Variants in GCH1 observed in about 807,000 individuals in gnomAD.
GCH1 encodes the protein GTP cyclohydrolase I.
Under a neutral mutation model 25.9 loss-of-function variants are expected in GCH1, and 5 were observed. The observed-to-expected ratio is 0.19, with a 90% CI of 0.10 to 0.41. The LOEUF (loss-of-function observed/expected upper bound fraction) is 0.41, where lower values mean the gene tolerates loss of function less well. Ranked by LOEUF, GCH1 falls within the 10% of genes least tolerant of loss-of-function variation. GCH1 has a pLI of 1.00. For missense variants in GCH1, 261 were observed against 336.5 expected (o/e 0.78, Z 1.75); for synonymous variants, 159 against 129.6 (o/e 1.23, Z -1.54).
intron 4 of GCH1, among the ~76,000 whole-genome samples, chr14:54,846,591 T>C (rs2039644551): frequency 6.6e-6 from 1 of 152,200 alleles, no homozygotes; most frequent in South Asian, 2.1e-4. Context: ...TCCAAATAAA[T>C]TGATTTGAAA....
intron 1 of GCH1, among the ~76,000 whole-genome samples, chr14:54,883,326 T>C (rs1341563841): frequency 7.2e-6 from 1 of 139,092 alleles, no homozygotes; most frequent in African/African-American, 2.8e-5. Flanking sequence ...GAGCAGAGAT[T>C]GCGCCGCTGC....
At position 54,870,133 on chromosome 14, in the gene GCH1, A is replaced by G. The variant is rs368638547; in HGVS notation, c.344-4697T>C. 6.6e-5 allele frequency among the ~76,000 whole-genome samples: 10 copies of G among 152,152 alleles called. No homozygotes were observed. In the East Asian group the frequency reaches 1.9e-3, roughly 29 times the overall value. On this transcript the variant is annotated intron_variant, in intron 1 of 5. Coordinates refer to ENST00000491895, the MANE Select transcript of GCH1 (RefSeq NM_000161.3). ...TATATAACTGCATACGTTTGTTAAA[A>G]TTCACATTGTACATGTAAAGTAGGT...
In GCH1 at chr14:54,858,574, C is replaced by T. The variant is rs149209708; in HGVS notation, c.509+1107G>A. On this transcript the variant is annotated intron_variant, in intron 3 of 5. Coordinates refer to ENST00000491895, the MANE Select transcript of GCH1 (RefSeq NM_000161.3). ...GTGCTGGGATTACAAGTGTGAAAGA[C>T]GGCACCCGGCCGAGACTCATTTATT... Among the ~76,000 whole-genome samples the T allele has an allele frequency of 3.3e-5, 5 of 152,038 alleles. No individual in the cohort carries two copies. The East Asian group carries it at 5.8e-4, about 18-fold the overall frequency.
intron 3 of GCH1, among the ~76,000 whole-genome samples, chr14:54,855,122 T>A (rs1232716008): frequency 6.6e-6 from 1 of 152,188 alleles, no homozygotes; most frequent in Non-Finnish European, 1.5e-5. Context: ...ATTGTATTAA[T>A]CAAAGAAATA....
chr14:54,879,343 C>G (rs1357767670), intron 1 of GCH1, among the ~76,000 whole-genome samples: 1 of 148,728 alleles, frequency 6.7e-6, no homozygotes, highest in Non-Finnish European at 1.5e-5. Flanking sequence ...ATCACTTGAA[C>G]CTGGGAGGCG....
At chr14:54,855,015 AAAG>A (rs201803919) in intron 3 of GCH1, among the ~76,000 whole-genome samples, 2,303 of 152,328 alleles carry the variant, frequency 0.015, 35 homozygotes, top group South Asian at 0.048. Flanking sequence ...CAAAGCACAC[AAAG>A]ATAATAAAAT....
At chr14:54,888,036 G>A (rs2040375968) in intron 1 of GCH1, among the ~76,000 whole-genome samples, 1 of 152,150 alleles carries the variant, frequency 6.6e-6, no homozygotes, top group Non-Finnish European at 1.5e-5. Context: ...TATTTTGGTA[G>A]AAGCAACAAC....
intron 1 of GCH1, among the ~76,000 whole-genome samples, chr14:54,893,765 G>C (rs1049738466): frequency 6.6e-6 from 1 of 152,154 alleles, no homozygotes; most frequent in African/African-American, 2.4e-5. Flanking sequence ...TCACTGTTTA[G>C]CACAAAGTAA....
intron 1 of GCH1, among the ~76,000 whole-genome samples, chr14:54,886,593 CAG>C (rs1225606335): frequency 6.6e-6 from 1 of 152,288 alleles, no homozygotes; most frequent in East Asian, 1.9e-4. Flanking sequence ...GCCTGGGTGA[CAG>C]AGTGAAACTG....
rs560411382 is a variant in GCH1 at position 54,855,485 on chromosome 14, G to C, written c.509+4196C>G. On this transcript the variant is annotated intron_variant, in intron 3 of 5. Coordinates refer to ENST00000491895, the MANE Select transcript of GCH1 (RefSeq NM_000161.3). ...AGTGCCACTGCACTCCAGCCTGGGC[G>C]ACAGAGAAAGACCCTGTCTCAAAAA... Among the ~76,000 whole-genome samples, 426 of 116,276 alleles carry C rather than the reference G, an allele frequency of 3.7e-3. 5 individuals carry two copies. The highest frequency in any genetic ancestry group is 3.7e-3 in the Non-Finnish European group (233 of 62,302). The allele number at this position is 116,276 out of a possible 152,430, so 76.3% of individuals were successfully genotyped here.
intron 5 of GCH1, among the ~76,000 whole-genome samples, chr14:54,845,264 G>C (rs1272893230): frequency 6.6e-6 from 1 of 151,864 alleles, no homozygotes; most frequent in Middle Eastern, 3.2e-3. Flanking sequence ...TGGATCATGA[G>C]GTCAGGAGTT....
intron 1 of GCH1, among the ~76,000 whole-genome samples, chr14:54,895,081 T>G (rs532105739): frequency 6.6e-6 from 1 of 152,374 alleles, no homozygotes; most frequent in Non-Finnish European, 1.5e-5. Context: ...AGGTTTGTGA[T>G]TCAAAAAGAA....
chr14:54,858,873 T>C (rs202062849), intron 3 of GCH1, among the ~76,000 whole-genome samples: 2 of 152,306 alleles, frequency 1.3e-5, no homozygotes, highest in South Asian at 2.1e-4. Context: ...CATGTTGACT[T>C]CCAGTTAAAC....
At chr14:54,876,901 A>C (rs2040170097) in intron 1 of GCH1, among the ~76,000 whole-genome samples, 1 of 152,196 alleles carries the variant, frequency 6.6e-6, no homozygotes. Context: ...CTTTGAATAT[A>C]ATTTGTTACA....
chr14:54,850,349 G>A (rs1332069991), intron 3 of GCH1, among the ~76,000 whole-genome samples: 1 of 117,692 alleles, frequency 8.5e-6, no homozygotes, highest in Non-Finnish European at 1.7e-5. Context: ...TCTCCCTCTT[G>A]TCACCCAGGC....
At chr14:54,873,907 C>G (rs1027958281) in intron 1 of GCH1, among the ~76,000 whole-genome samples, 6 of 152,308 alleles carry the variant, frequency 3.9e-5, no homozygotes, top group Admixed American at 3.9e-4. Flanking sequence ...CCGAATTCTA[C>G]CAGACATATA....
At chr14:54,853,863 G>A (rs1594977570) in intron 3 of GCH1, among the ~76,000 whole-genome samples, 1 of 152,058 alleles carries the variant, frequency 6.6e-6, no homozygotes, top group South Asian at 2.1e-4. Flanking sequence ...CAAAATTTGT[G>A]GTTACTTGAA....
rs748511211 is a variant in GCH1, at chr14:54,843,832, G to C, written c.*185C>G. The C allele has an allele frequency of 1.2e-6, 2 of 1,613,020 alleles. No individual in the cohort carries two copies. The highest frequency in any genetic ancestry group is 8.5e-7 in the Non-Finnish European group (1 of 1,178,990). On this transcript the variant is annotated 3_prime_UTR_variant, in exon 6 of 6. Coordinates refer to ENST00000491895, the MANE Select transcript of GCH1 (RefSeq NM_000161.3). ...GCCACAAAAAGGTGGCAAGAAGAAA[G>C]TAGAGGGCTCAACCCTTTATTATAT...
chr14:54,892,124 A>ATTG (rs2040431336), intron 1 of GCH1, among the ~76,000 whole-genome samples: 1 of 152,200 alleles, frequency 6.6e-6, no homozygotes, highest in Admixed American at 6.5e-5. Context: ...TAGTATTGTT[A>ATTG]TTGTACTTCA....
Sources: allele counts gnomAD v4.1 joint callset (sites outside exome capture counted in the v4.1 genomes callset), GRCh38; gene constraint gnomAD v4.1.1; transcripts MANE v1.5; gene names NCBI Gene and HGNC (gene_info 2026-07-23, HGNC 2026-07-21).